The following KCNU1 variants were observed in gnomAD, a reference collection of about 807,000 sequenced individuals.
KCNU1 encodes potassium channel subfamily U member 1.
In KCNU1, 93 loss-of-function variants were observed where a neutral mutation model predicts 126.8. The observed-to-expected ratio is 0.73, with a 90% CI of 0.62 to 0.87. KCNU1 has a LOEUF of 0.87. Ranked by LOEUF, KCNU1 falls within the 40% of genes least tolerant of loss-of-function variation. The pLI, the probability that KCNU1 is intolerant of heterozygous loss-of-function variation, is 0.00. For missense variants in KCNU1, 1,330 were observed against 1,367.1 expected, an observed-to-expected ratio of 0.97 and a Z score of 0.43; for synonymous variants, 523 against 494.2, an observed-to-expected ratio of 1.06 and a Z score of -0.77.
intron 22 of KCNU1, among the ~76,000 whole-genome samples, chr8:36,918,390 TAA>T (rs576625005): frequency 6.9e-6 from 1 of 144,062 alleles, no homozygotes; most frequent in African/African-American, 2.5e-5. Context: ...AAGATAAAAA[TAA>T]AAAAAAAAAT....
Position 36,815,635 on chromosome 8 carries a change from T to G in KCNU1, c.943T>G (p.Phe315Val). Residue 315 changes from phenylalanine to valine, a missense_variant, in exon 9 of 27, where the codon TTT (phenylalanine) becomes GTT (valine). Transcript: ENST00000399881. ...CTATATACCTGAAATGGTGGAACTG[T>G]TTGCTAACAAGAGGAAATACACCAG... ...ANYIPEMVEL[F>V]ANKRKYTSSY... 6.3e-7 allele frequency: 1 copy of G among 1,597,400 alleles called. No individual in the cohort carries two copies. The highest frequency in any genetic ancestry group is 1.1e-5 in the South Asian group (1 of 88,422).
intron 10 of KCNU1, among the ~76,000 whole-genome samples, chr8:36,832,837 T>A (rs532401635): frequency 6.6e-6 from 1 of 152,280 alleles, no homozygotes; most frequent in African/African-American, 2.4e-5. Context: ...TGTTGCTGTA[T>A]CTCAAAGCAT....
chr8:36,879,749 A>G (rs1806405664), intron 19 of KCNU1, among the ~76,000 whole-genome samples: 1 of 152,186 alleles, frequency 6.6e-6, no homozygotes, highest in African/African-American at 2.4e-5. Context: ...GGTGAAATTT[A>G]CCTGGCAACT....
chr8:36,791,868 A>G (rs375203258), intron 2 of KCNU1, among the ~76,000 whole-genome samples: 1 of 152,150 alleles, frequency 6.6e-6, no homozygotes, highest in Non-Finnish European at 1.5e-5. Context: ...GATGAGCTGT[A>G]TCTTTGTTTT....
intron 7 of KCNU1, among the ~76,000 whole-genome samples, chr8:36,810,530 GA>G (rs1803673664): frequency 6.6e-6 from 1 of 152,166 alleles, no homozygotes; most frequent in African/African-American, 2.4e-5. Flanking sequence ...TAAAAACCTA[GA>G]AAAGCTATAT....
chr8:36,818,412 T>A lies in KCNU1; in HGVS notation c.1106+652T>A, dbSNP rs551977790. On this transcript the variant is annotated intron_variant, in intron 10 of 26. Coordinates refer to ENST00000399881, the MANE Select transcript of KCNU1 (RefSeq NM_001031836.3). ...GTGGATTACCTGTTGCTTTATTGAC[T>A]TTTCTACTCAATATATGTTGTTACT... Among the ~76,000 whole-genome samples, 6 of 152,330 alleles carry A rather than the reference T, an allele frequency of 3.9e-5. No homozygotes were observed. In the South Asian group the frequency reaches 1.2e-3, roughly 32 times the overall value.
intron 10 of KCNU1, among the ~76,000 whole-genome samples, chr8:36,824,095 C>T (rs1458636163): frequency 1.3e-5 from 2 of 152,284 alleles, no homozygotes; most frequent in Non-Finnish European, 2.9e-5. Flanking sequence ...CCTCTACCTC[C>T]CAAAGTACTG....
At chr8:36,871,351 A>G (rs1585489366) in intron 19 of KCNU1, among the ~76,000 whole-genome samples, 1 of 151,686 alleles carries the variant, frequency 6.6e-6, no homozygotes, top group Non-Finnish European at 1.5e-5. Flanking sequence ...TGAAAATCCC[A>G]TTTTTGGGAA....
chr8:36,846,081 A>G (rs1329013277), intron 18 of KCNU1, among the ~76,000 whole-genome samples, 182 bp downstream of exon 18: 1 of 152,218 alleles, frequency 6.6e-6, no homozygotes, highest in African/African-American at 2.4e-5. Flanking sequence ...GAAGAAACCT[A>G]ACTAGTTATC....
intron 7 of KCNU1, among the ~76,000 whole-genome samples, chr8:36,812,647 TCA>T (rs1254672079): frequency 6.6e-6 from 1 of 152,172 alleles, no homozygotes; most frequent in African/African-American, 2.4e-5. Flanking sequence ...AGATAATGAT[TCA>T]GTCTGTTAAC....
intron 24 of KCNU1, among the ~76,000 whole-genome samples, chr8:36,929,404 AAAAGAACAAAAAAC>A (rs1808631367): frequency 7.0e-6 from 1 of 143,054 alleles, no homozygotes; most frequent in Non-Finnish European, 1.6e-5. Flanking sequence ...AAAAAAAAAA[AAAAGAACAAAAAAC>A]AAACAAACAA....
rs542319086 is a variant in KCNU1, at chr8:36,882,771, T to C, written c.2009+18250T>C. Among the ~76,000 whole-genome samples, 17 of 152,116 alleles carry C rather than the reference T, an allele frequency of 1.1e-4. No homozygotes were observed. In the South Asian group the frequency reaches 3.3e-3, roughly 30 times the overall value. On this transcript the variant is annotated intron_variant, in intron 19 of 26. Transcript: ENST00000399881. ...GCTAATTTTATGTTTTTAGTAGAGA[T>C]GGGGTTTCTCCATGTTGGTCAGGCT...
chr8:36,909,113 A>G (rs370307668), intron 20 of KCNU1, among the ~76,000 whole-genome samples, 198 bp from the exon 21 acceptor site: 7 of 152,348 alleles, frequency 4.6e-5, no homozygotes, highest in African/African-American at 1.4e-4. Context: ...AAGAAATTCC[A>G]CAAAAAAGTA....
intron 18 of KCNU1, among the ~76,000 whole-genome samples, chr8:36,863,034 T>C (rs1805785383): frequency 6.6e-6 from 1 of 152,064 alleles, no homozygotes; most frequent in Non-Finnish European, 1.5e-5. Flanking sequence ...GGATTACAGG[T>C]AGGGTAAACT....
intron 18 of KCNU1, among the ~76,000 whole-genome samples, chr8:36,852,970 C>A (rs903816214): frequency 6.6e-6 from 1 of 152,112 alleles, no homozygotes; most frequent in South Asian, 2.1e-4. Context: ...TTTGGGTTAA[C>A]TTGCCTTCCT....
At chr8:36,816,953 C>T (rs1489016910) in intron 9 of KCNU1, among the ~76,000 whole-genome samples, 1 of 151,912 alleles carries the variant, frequency 6.6e-6, no homozygotes, top group African/African-American at 2.4e-5. Flanking sequence ...CAAACAACAA[C>T]AACAACAACA....
At chr8:36,852,161 G>A (rs1805373313) in intron 18 of KCNU1, among the ~76,000 whole-genome samples, 1 of 151,946 alleles carries the variant, frequency 6.6e-6, no homozygotes, top group South Asian at 2.1e-4. Context: ...TATTAATATG[G>A]TATATTGGAT....
chr8:36,869,888 G>T (rs552601319), intron 19 of KCNU1, among the ~76,000 whole-genome samples: 1 of 152,204 alleles, frequency 6.6e-6, no homozygotes, highest in South Asian at 2.1e-4. Flanking sequence ...CATTTTAGTG[G>T]AGAGGTTACA....
intron 16 of KCNU1, among the ~76,000 whole-genome samples, chr8:36,842,478 A>C (rs1804992737): frequency 1.3e-5 from 2 of 152,202 alleles, no homozygotes. Context: ...AAAATCTCAC[A>C]ATCAAAACCT....
Sources: gnomAD v4.1 joint callset for allele counts (sites outside exome capture counted in the v4.1 genomes callset) on GRCh38, gnomAD v4.1.1 for gene constraint, MANE v1.5 for transcripts, NCBI Gene and HGNC (gene_info 2026-07-23, HGNC 2026-07-21) for gene names.